Variants in TSPAN8 observed in about 807,000 individuals in gnomAD.
The protein encoded by TSPAN8 is tetraspanin-8.
A neutral mutation model predicts 32.8 loss-of-function variants in TSPAN8; 21 were observed. The ratio of observed to expected loss-of-function variants is 0.64; its 90% CI spans 0.45 to 0.92. TSPAN8 has a LOEUF of 0.92. Ranked by LOEUF, TSPAN8 falls within the 40% of genes least tolerant of loss-of-function variation. TSPAN8 has a pLI of 0.00. For missense variants in TSPAN8, 269 were observed against 281.9 expected (o/e 0.95, Z 0.33); for synonymous variants, 95 against 94.6 (o/e 1.00, Z -0.03).
chr12:71,132,837 A>C lies in TSPAN8; in HGVS notation c.445-13T>G, dbSNP rs1336751804. 2 of 1,613,376 alleles carry C rather than the reference A, an allele frequency of 1.2e-6. No homozygotes were observed. The highest frequency in any genetic ancestry group is 3.3e-5 in the Admixed American group (2 of 59,890). On this transcript the variant is annotated splice_polypyrimidine_tract_variant and intron_variant, in intron 6 of 8. Transcript: ENST00000247829. ...CGCAGCATTTAAACTGTTTGATAAA[A>C]GGTAGAATGAGAAGCAGTCAGTAAG...
intron 2 of TSPAN8, 60 bp from the exon 3 acceptor site, chr12:71,144,273 C>T (rs375243216): frequency 2.9e-5 from 42 of 1,468,136 alleles, no homozygotes; most frequent in Non-Finnish European, 3.7e-5. Context: ...AACTCTATTT[C>T]CACACCCTCC....
intron 6 of TSPAN8, among the ~76,000 whole-genome samples, chr12:71,135,966 C>T (rs1270392864): frequency 1.3e-5 from 2 of 152,046 alleles, no homozygotes; most frequent in Non-Finnish European, 2.9e-5. Context: ...CTAGGAAAAG[C>T]ACATCAGAAA....
chr12:71,127,210 A>G (rs1030719447), intron 8 of TSPAN8, among the ~76,000 whole-genome samples: 10 of 152,084 alleles, frequency 6.6e-5, no homozygotes, highest in Non-Finnish European at 1.5e-4. Context: ...TTTGGAAACA[A>G]AGAAGGGAGA....
intron 6 of TSPAN8, among the ~76,000 whole-genome samples, chr12:71,136,522 A>G (rs781532072): frequency 1.3e-3 from 193 of 152,180 alleles, no homozygotes; most frequent in Non-Finnish European, 2.4e-3. Context: ...TAGTAAGAGC[A>G]CTCCAAGGAT....
At chr12:71,133,370 C>T (rs1453742967) in intron 6 of TSPAN8, among the ~76,000 whole-genome samples, 1 of 152,172 alleles carries the variant, frequency 6.6e-6, no homozygotes, top group East Asian at 1.9e-4. Flanking sequence ...CAGGCATAAG[C>T]CACGGTGCCC....
intron 8 of TSPAN8, 142 bp downstream of exon 8, chr12:71,129,189 C>A: frequency 2.4e-6 from 2 of 829,650 alleles, no homozygotes; most frequent in Non-Finnish European, 3.5e-6. Context: ...CCTTTAGCAT[C>A]CAGTGCTTTT....
intron 4 of TSPAN8, 26 bp from the exon 5 acceptor site, chr12:71,138,256 A>G (rs764278051): frequency 6.2e-7 from 1 of 1,607,292 alleles, no homozygotes; most frequent in Non-Finnish European, 8.5e-7. Flanking sequence ...AGAAATATAC[A>G]TTATCCTCAG....
At chr12:71,134,971 C>T (rs757723024) in intron 6 of TSPAN8, among the ~76,000 whole-genome samples, 1 of 152,114 alleles carries the variant, frequency 6.6e-6, no homozygotes, top group Non-Finnish European at 1.5e-5. Context: ...CGCCTCTAGA[C>T]AAATAATAAT....
intron 2 of TSPAN8, among the ~76,000 whole-genome samples, chr12:71,147,575 A>G (rs559059871): frequency 3.7e-4 from 57 of 152,356 alleles, no homozygotes; most frequent in African/African-American, 1.3e-3. Flanking sequence ...TATAGGGAAC[A>G]AGGATTCCGA....
chr12:71,131,862 C>G (rs561559506), intron 7 of TSPAN8, among the ~76,000 whole-genome samples: 1 of 151,894 alleles, frequency 6.6e-6, no homozygotes, highest in Admixed American at 6.6e-5. Context: ...CCATCTCTAT[C>G]CAAGAGATAC....
At chr12:71,144,390 T>A (rs777637508) in intron 2 of TSPAN8, among the ~76,000 whole-genome samples, 177 bp from the exon 3 acceptor site, 1 of 152,206 alleles carries the variant, frequency 6.6e-6, no homozygotes, top group Admixed American at 6.5e-5. Context: ...TAAATTGCAA[T>A]GTGTAAGTTT....
chr12:71,143,611 G>A (rs1255548153), intron 3 of TSPAN8, among the ~76,000 whole-genome samples: 1 of 152,194 alleles, frequency 6.6e-6, no homozygotes, highest in Non-Finnish European at 1.5e-5. Flanking sequence ...CTACTGGCAA[G>A]TGGTTACCTT....
chr12:71,137,331 G>C (rs574465064), intron 6 of TSPAN8, among the ~76,000 whole-genome samples: 1 of 152,124 alleles, frequency 6.6e-6, no homozygotes, highest in Admixed American at 6.5e-5. Context: ...ATGTGCGGTG[G>C]CTCACCTCTG....
chr12:71,137,271 C>A (rs907274434), intron 6 of TSPAN8, among the ~76,000 whole-genome samples: 4 of 151,860 alleles, frequency 2.6e-5, no homozygotes, highest in Non-Finnish European at 4.4e-5. Flanking sequence ...CACAGCAAGA[C>A]CTTGTCCTCA....
At chr12:71,140,496 G>T (rs548983647) in intron 3 of TSPAN8, among the ~76,000 whole-genome samples, 1 of 152,178 alleles carries the variant, frequency 6.6e-6, no homozygotes, top group South Asian at 2.1e-4. Context: ...AAGAAATCCA[G>T]TTCCTGATAT....
rs1872003839 is a variant in TSPAN8 at position 71,144,314 on chromosome 12, A to T, written c.61-101T>A. The T allele has an allele frequency of 6.0e-6, 6 of 1,000,498 alleles. No individual in the cohort carries two copies. The South Asian group carries it at 8.9e-5, about 15-fold the overall frequency. 62.0% of individuals were successfully genotyped at this position (1,000,498 alleles called of 1,614,324 possible). A position where few individuals can be genotyped will look rare whatever the true frequency, so the allele number is the denominator to read the frequency against. ...ATCCGGTGACAGTAGTTCATCATCG[A>T]CTATACTATCACAACCTGGAAGACA... On this transcript the variant is annotated intron_variant, in intron 2 of 8. Coordinates refer to ENST00000247829, the MANE Select transcript of TSPAN8 (RefSeq NM_004616.3).
chr12:71,142,861 A>AC (rs11396141), intron 3 of TSPAN8, among the ~76,000 whole-genome samples: 1 of 151,536 alleles, frequency 6.6e-6, no homozygotes, highest in African/African-American at 2.4e-5. Context: ...AAAAAAAAAA[A>AC]CAGAGATAGA....
intron 8 of TSPAN8, among the ~76,000 whole-genome samples, chr12:71,125,629 A>G (rs1871327353): frequency 6.6e-6 from 1 of 152,110 alleles, no homozygotes; most frequent in African/African-American, 2.4e-5. Context: ...CCTCTATCTA[A>G]CTGGCCCCAT....
intron 6 of TSPAN8, 144 bp from the exon 7 acceptor site, chr12:71,132,968 T>G (rs1408184050): frequency 1.0e-6 from 1 of 998,738 alleles, no homozygotes; most frequent in East Asian, 2.8e-5. Flanking sequence ...TTTCTCTGTG[T>G]AGAAGTAAAA....
Sources: gnomAD v4.1 joint callset for allele counts (sites outside exome capture counted in the v4.1 genomes callset) on GRCh38, gnomAD v4.1.1 for gene constraint, MANE v1.5 for transcripts, NCBI Gene and HGNC (gene_info 2026-07-23, HGNC 2026-07-21) for gene names.